The following VGLL4 variants were observed in gnomAD, a reference collection of about 807,000 sequenced individuals.
The protein encoded by VGLL4 is vestigial like family member 4, also known as transcription cofactor vestigial-like protein 4.
VGLL4 carries 7 observed loss-of-function variants against 21.0 expected under a neutral mutation model. The observed-to-expected ratio is 0.33, with a 90% CI of 0.19 to 0.63. The LOEUF is 0.63. Among genes scored for constraint, VGLL4 ranks in the 20% least tolerant of loss-of-function variants. The probability of loss-of-function intolerance (pLI) is 0.78; values close to 1 mark genes in which losing one functional copy is unlikely to be tolerated. For synonymous variants in VGLL4, 222 were observed against 173.2 expected, an observed-to-expected ratio of 1.28 and a Z score of -2.21; for missense variants, 394 against 425.7, an observed-to-expected ratio of 0.93 and a Z score of 0.66.
intron 1 of VGLL4, among the ~76,000 whole-genome samples, chr3:11,607,869 G>C (rs767713850): frequency 1.3e-5 from 2 of 152,182 alleles, no homozygotes; most frequent in Non-Finnish European, 2.9e-5. Flanking sequence ...AGGTGACTTA[G>C]GCTCTTGGAT....
intron 1 of VGLL4, among the ~76,000 whole-genome samples, chr3:11,631,497 C>T (rs370960682): frequency 6.6e-6 from 1 of 152,116 alleles, no homozygotes; most frequent in African/African-American, 2.4e-5. Flanking sequence ...CATCAACTAA[C>T]AACAAATCAG....
chr3:11,559,604 C>T, intron 3 of VGLL4, 149 bp from the exon 4 acceptor site: 1 of 1,244,768 alleles, frequency 8.0e-7, no homozygotes, highest in South Asian at 1.7e-5. Context: ...AGTCCTGTTG[C>T]TAAACACAGC....
At chr3:11,657,948 C>A (rs1248446312) in intron 2 of VGLL4, among the ~76,000 whole-genome samples, 1 of 152,106 alleles carries the variant, frequency 6.6e-6, no homozygotes, top group African/African-American at 2.4e-5. Flanking sequence ...CTTCTTGAGA[C>A]AGGGTCTTGC....
intron 1 of VGLL4, chr3:11,627,230 A>ACACACACTCTCTCTCT (rs1491347863): frequency 5.7e-5 from 7 of 123,314 alleles, no homozygotes; most frequent in African/African-American, 2.0e-4. Context: ...ACACACACAC[A>ACACACACTCTCTCTCT]CTCTCTCTCT....
intron 2 of VGLL4, among the ~76,000 whole-genome samples, chr3:11,570,762 C>T (rs151259577): frequency 6.6e-6 from 1 of 152,264 alleles, no homozygotes; most frequent in East Asian, 1.9e-4. Context: ...CCCTTTTAGT[C>T]CCTTCCTCCA....
At chr3:11,599,913 A>C (rs1035330396) in intron 2 of VGLL4, among the ~76,000 whole-genome samples, 3 of 152,068 alleles carry the variant, frequency 2.0e-5, no homozygotes, top group Admixed American at 1.3e-4. Flanking sequence ...CACCATTCTT[A>C]AGTCCTTACA....
At chr3:11,660,086 C>T (rs953261236) in intron 2 of VGLL4, among the ~76,000 whole-genome samples, 6 of 151,512 alleles carry the variant, frequency 4.0e-5, no homozygotes, top group Admixed American at 1.3e-4. Flanking sequence ...GGTGTGAACC[C>T]GGGAGGCGGA....
intron 2 of VGLL4, among the ~76,000 whole-genome samples, chr3:11,566,249 G>A (rs2073505547): frequency 6.6e-6 from 1 of 152,128 alleles, no homozygotes; most frequent in African/African-American, 2.4e-5. Flanking sequence ...ACACGCATGT[G>A]ATAGGCGTAC....
intron 2 of VGLL4, among the ~76,000 whole-genome samples, chr3:11,594,229 T>G (rs1428640642): frequency 1.3e-5 from 2 of 152,242 alleles, no homozygotes; most frequent in African/African-American, 4.8e-5. Flanking sequence ...AAATGATCAC[T>G]GGTGTTGGTG....
chr3:11,654,922 T>C (rs974197857), intron 2 of VGLL4, among the ~76,000 whole-genome samples: 2 of 152,242 alleles, frequency 1.3e-5, no homozygotes, highest in African/African-American at 4.8e-5. Flanking sequence ...TTAAGTCAAA[T>C]AATGGCCAAT....
chr3:11,610,906 A>G (rs1015667066), intron 1 of VGLL4, among the ~76,000 whole-genome samples: 2 of 152,214 alleles, frequency 1.3e-5, no homozygotes, highest in Non-Finnish European at 2.9e-5. Flanking sequence ...CAGCCCTGTG[A>G]GGGAGGCGGG....
At chr3:11,693,744 C>A (rs760092286) in intron 2 of VGLL4, among the ~76,000 whole-genome samples, 6 of 152,108 alleles carry the variant, frequency 3.9e-5, no homozygotes, top group Non-Finnish European at 5.9e-5. Context: ...AAGGACTGTC[C>A]CCGAGCACAC....
chr3:11,571,350 T>C (rs1201640118), intron 2 of VGLL4, among the ~76,000 whole-genome samples: 1 of 152,126 alleles, frequency 6.6e-6, no homozygotes, highest in African/African-American at 2.4e-5. Flanking sequence ...CCAGCATCAC[T>C]GCCACAACCA....
intron 2 of VGLL4, among the ~76,000 whole-genome samples, chr3:11,591,284 A>C (rs2125244972): frequency 6.6e-6 from 1 of 152,334 alleles, no homozygotes; most frequent in South Asian, 2.1e-4. Context: ...CTCTTTGAGA[A>C]AAAAGTCCTT....
intron 2 of VGLL4, among the ~76,000 whole-genome samples, chr3:11,680,495 G>T (rs1174406382): frequency 1.3e-5 from 2 of 152,156 alleles, no homozygotes; most frequent in Non-Finnish European, 2.9e-5. Context: ...TGATCACAGG[G>T]CTGTGCGGGA....
chr3:11,685,343 C>T (rs898627829), intron 2 of VGLL4, among the ~76,000 whole-genome samples: 7 of 152,000 alleles, frequency 4.6e-5, no homozygotes, highest in African/African-American at 9.7e-5. Flanking sequence ...GGAATACAGG[C>T]GCGTGCCCCC....
chr3:11,588,504 TG>T (rs1046413834), intron 2 of VGLL4, among the ~76,000 whole-genome samples: 5 of 152,268 alleles, frequency 3.3e-5, no homozygotes, highest in Non-Finnish European at 4.4e-5. Context: ...TGTGGTGGAC[TG>T]GGAGCCGTGG....
intron 3 of VGLL4, among the ~76,000 whole-genome samples, chr3:11,561,672 C>T (rs570023909): frequency 6.6e-6 from 1 of 152,138 alleles, no homozygotes. Flanking sequence ...TCCCCTCCCC[C>T]ACACCCTTAT....
intron 2 of VGLL4, among the ~76,000 whole-genome samples, chr3:11,690,539 C>G (rs2076511940): frequency 6.6e-6 from 1 of 151,956 alleles, no homozygotes; most frequent in African/African-American, 2.4e-5. Flanking sequence ...TGCTAGTGAA[C>G]AGAACAGACT....
Sources: allele counts gnomAD v4.1 joint callset (sites outside exome capture counted in the v4.1 genomes callset), GRCh38; gene constraint gnomAD v4.1.1; transcripts MANE v1.5; gene names NCBI Gene and HGNC (gene_info 2026-07-23, HGNC 2026-07-21).